Variants in RBMS3 observed in about 807,000 individuals in gnomAD.
RBMS3 encodes the protein RNA binding motif single stranded interacting protein 3.
In RBMS3, 27 loss-of-function variants were observed where a neutral mutation model predicts 66.8. The ratio of observed to expected loss-of-function variants is 0.40; its 90% confidence interval spans 0.30 to 0.56. The LOEUF is 0.56. Ranked by LOEUF, RBMS3 falls within the 20% of genes least tolerant of loss-of-function variation. The probability of loss-of-function intolerance (pLI) is 0.40; values close to 1 mark genes in which losing one functional copy is unlikely to be tolerated. For missense variants in RBMS3, 513 were observed against 549.5 expected (o/e 0.93, Z 0.66); for synonymous variants, 188 against 183.0 (o/e 1.03, Z -0.22).
At chr3:29,422,187 T>G (rs1465784132) in intron 1 of RBMS3, among the ~76,000 whole-genome samples, 1 of 152,206 alleles carries the variant, frequency 6.6e-6, no homozygotes, top group Non-Finnish European at 1.5e-5. Context: ...AGGATCTATG[T>G]CCTTAGACAC....
At chr3:29,449,363 A>G (rs1486582182) in intron 2 of RBMS3, among the ~76,000 whole-genome samples, 1 of 152,242 alleles carries the variant, frequency 6.6e-6, no homozygotes, top group Non-Finnish European at 1.5e-5. Context: ...ATCTACTCAG[A>G]CAAGTCACGA....
chr3:29,374,209 C>T (rs1281011879), intron 1 of RBMS3, among the ~76,000 whole-genome samples: 1 of 152,174 alleles, frequency 6.6e-6, no homozygotes, highest in Non-Finnish European at 1.5e-5. Flanking sequence ...ATGGATCATT[C>T]ACAACCTAGA....
At chr3:29,290,632 T>C (rs2032735196) in intron 1 of RBMS3, 1 of 151,886 alleles carries the variant, frequency 6.6e-6, no homozygotes, top group African/African-American at 2.4e-5. Flanking sequence ...CTTTTCTCAA[T>C]GTATTTCAAA....
At chr3:29,992,802 G>GTAT in intron 14 of RBMS3, among the ~76,000 whole-genome samples, 1 of 120,060 alleles carries the variant, frequency 8.3e-6, no homozygotes, top group Non-Finnish European at 2.0e-5. Flanking sequence ...CAAATGTAGG[G>GTAT]GATGAGAAAA....
intron 4 of RBMS3, among the ~76,000 whole-genome samples, chr3:29,707,071 T>G (rs1416286388): frequency 6.6e-6 from 1 of 152,182 alleles, no homozygotes; most frequent in Non-Finnish European, 1.5e-5. Context: ...TGTCTCTGCC[T>G]TTGTGTGGGT....
chr3:29,555,320 C>T (rs1559464775), intron 3 of RBMS3, among the ~76,000 whole-genome samples: 2 of 152,280 alleles, frequency 1.3e-5, no homozygotes, highest in East Asian at 1.9e-4. Context: ...TGTGACATTT[C>T]GCAGAAGAGA....
chr3:29,825,526 T>G (rs1159409200), intron 6 of RBMS3, among the ~76,000 whole-genome samples: 1 of 152,126 alleles, frequency 6.6e-6, no homozygotes, highest in East Asian at 1.9e-4. Context: ...AGTGAATAAG[T>G]CTCACTAGAT....
intron 10 of RBMS3, among the ~76,000 whole-genome samples, chr3:29,917,603 C>A (rs1054807716): frequency 2.0e-5 from 3 of 151,912 alleles, no homozygotes; most frequent in African/African-American, 7.2e-5. Context: ...ACTCTAATCT[C>A]ATGCATGTGT....
At position 29,906,556 on chromosome 3, in the gene RBMS3, G is replaced by A. The variant is rs115382901; in HGVS notation, c.939+6801G>A. ...GTAACACATGAAATAAATATTCTTCGGCATTGCAATTATAAAAATTTTATT... is the reference window on the plus strand; with the variant it reads ...GTAACACATGAAATAAATATTCTTCAGCATTGCAATTATAAAAATTTTATT... On this transcript the variant is annotated intron_variant, in intron 10 of 14. Transcript: ENST00000383767. Among the ~76,000 whole-genome samples the A allele has an allele frequency of 7.4e-3, 1,124 of 151,896 alleles. 7 individuals are homozygous for A. The highest frequency in any genetic ancestry group is 0.012 in the Non-Finnish European group (816 of 67,950).
chr3:29,753,392 A>ATCAGCCCAC (rs1254638771), intron 5 of RBMS3, among the ~76,000 whole-genome samples: 1 of 152,204 alleles, frequency 6.6e-6, no homozygotes, highest in Non-Finnish European at 1.5e-5. Flanking sequence ...AGCAATGCCC[A>ATCAGCCCAC]TCAGCCCACT....
intron 1 of RBMS3, among the ~76,000 whole-genome samples, chr3:29,416,775 T>G (rs1575757735): frequency 6.6e-6 from 1 of 152,114 alleles, no homozygotes; most frequent in East Asian, 1.9e-4. Flanking sequence ...GAATGTGGTC[T>G]CTGGTGCCCA....
chr3:29,490,720 G>C (rs547962695), intron 3 of RBMS3, among the ~76,000 whole-genome samples: 3 of 152,286 alleles, frequency 2.0e-5, no homozygotes, highest in Non-Finnish European at 2.9e-5. Flanking sequence ...AGGGTGGGCA[G>C]TTGAGAACTT....
intron 3 of RBMS3, among the ~76,000 whole-genome samples, chr3:29,554,956 G>A (rs1430328664): frequency 6.6e-6 from 1 of 152,136 alleles, no homozygotes; most frequent in Non-Finnish European, 1.5e-5. Context: ...TTGATATGAA[G>A]CAAGGTAGAA....
At chr3:29,935,619 A>C (rs2061246699) in intron 10 of RBMS3, among the ~76,000 whole-genome samples, 1 of 152,162 alleles carries the variant, frequency 6.6e-6, no homozygotes, top group Non-Finnish European at 1.5e-5. Flanking sequence ...GGCCAGCATT[A>C]TCCCTCTTAG....
intron 6 of RBMS3, among the ~76,000 whole-genome samples, chr3:29,798,807 T>C (rs1390905049): frequency 6.6e-6 from 1 of 152,168 alleles, no homozygotes; most frequent in Non-Finnish European, 1.5e-5. Flanking sequence ...TCCGATATTG[T>C]TGCAACAGTA....
At position 29,490,283 on chromosome 3, in the gene RBMS3, A is replaced by C. The variant is rs74536970; in HGVS notation, c.307+1784A>C. ...AAATATAAAGGGAGGGAGTGGAAAC[A>C]AAAAAAAATGTAGGCTTTAAAGCCA... On this transcript the variant is annotated intron_variant, in intron 3 of 14. Coordinates refer to ENST00000383767, the MANE Select transcript of RBMS3 (RefSeq NM_001003793.3). 2.3e-4 allele frequency among the ~76,000 whole-genome samples: 35 copies of C among 150,622 alleles called. No homozygotes were observed. The East Asian group carries it at 6.2e-3, about 27-fold the overall frequency.
intron 2 of RBMS3, among the ~76,000 whole-genome samples, chr3:29,474,328 T>C (rs1264648114): frequency 6.6e-6 from 1 of 152,250 alleles, no homozygotes; most frequent in African/African-American, 2.4e-5. Context: ...ATCTGTTCTA[T>C]TATTAATAAG....
intron 6 of RBMS3, among the ~76,000 whole-genome samples, chr3:29,830,007 G>A (rs968013251): frequency 4.6e-5 from 7 of 152,050 alleles, no homozygotes; most frequent in African/African-American, 1.7e-4. Flanking sequence ...TTATTTTGGA[G>A]CTGTTTGCGA....
At chr3:29,778,453 G>T (rs776672649) in intron 6 of RBMS3, among the ~76,000 whole-genome samples, 1 of 151,072 alleles carries the variant, frequency 6.6e-6, no homozygotes, top group Non-Finnish European at 1.5e-5. Context: ...TGTGCAAGGG[G>T]ATTGGGGAAT....
Sources: allele counts gnomAD v4.1 joint callset (sites outside exome capture counted in the v4.1 genomes callset), GRCh38; gene constraint gnomAD v4.1.1; transcripts MANE v1.5; gene names NCBI Gene and HGNC (gene_info 2026-07-23, HGNC 2026-07-21).